The following DRG2 variants were observed in gnomAD, a reference collection of about 807,000 sequenced individuals.
DRG2 encodes the protein developmentally-regulated GTP-binding protein 2.
In DRG2, 36 loss-of-function variants were observed where a neutral mutation model predicts 53.4. That is an observed-to-expected ratio of 0.67 (90% confidence interval 0.52 to 0.89). DRG2 has a LOEUF of 0.89. Ranked by LOEUF, DRG2 falls within the 40% of genes least tolerant of loss-of-function variation. The probability of loss-of-function intolerance (pLI) is 0.00; values close to 1 mark genes in which losing one functional copy is unlikely to be tolerated. For synonymous variants in DRG2, 167 were observed against 192.1 expected, an observed-to-expected ratio of 0.87 and a Z score of 1.08; for missense variants, 342 against 481.2, an observed-to-expected ratio of 0.71 and a Z score of 2.71.
intron 1 of DRG2, among the ~76,000 whole-genome samples, chr17:18,091,398 C>T (rs777358731): frequency 9.9e-5 from 15 of 151,996 alleles, no homozygotes; most frequent in South Asian, 2.1e-4. Flanking sequence ...CCAACCTGGG[C>T]GACACGGTGA....
intron 2 of DRG2, chr17:18,097,198 T>C (rs1057139077): frequency 6.6e-6 from 1 of 152,226 alleles, no homozygotes; most frequent in Non-Finnish European, 1.5e-5. Context: ...ACCGTGTCTA[T>C]CCCTATACCT....
chr17:18,101,821 T>C, intron 8 of DRG2, 100 bp from the exon 9 acceptor site: 1 of 1,370,010 alleles, frequency 7.3e-7, no homozygotes, highest in Non-Finnish European at 1.0e-6. Flanking sequence ...TAGACTCAGC[T>C]CTCCAAGGAA....
chr17:18,100,401 G>T lies in DRG2; in HGVS notation c.506G>T (p.Arg169Leu), dbSNP rs373775006. Residue 169 changes from arginine to leucine, a missense_variant, in exon 6 of 13, where the codon CGC becomes CTC. Coordinates refer to ENST00000225729, the MANE Select transcript of DRG2 (RefSeq NM_001388.5). This position sits in a 1 kb window ranked among gnomAD's most constrained non-coding sequence, Gnocchi z 4.1. Reference protein sequence around the residue: ...LEKELESVGIRLNKHKPNIYF... With the variant: ...LEKELESVGILLNKHKPNIYF... Reference sequence around the variant, plus strand: ...AAGGAGCTGGAGTCTGTGGGCATCCGCCTCAACAAGCACAAGCCTAACATC... The same window carrying T: ...AAGGAGCTGGAGTCTGTGGGCATCCTCCTCAACAAGCACAAGCCTAACATC... 3 of 1,614,180 alleles carry T rather than the reference G, an allele frequency of 1.9e-6. No individual in the cohort carries two copies. Among genetic ancestry groups the T allele is most frequent in the Non-Finnish European group, 2.5e-6 (3 of 1,180,032 alleles).
chr17:18,103,689 C>G lies in DRG2; in HGVS notation c.807-112C>G, dbSNP rs2045577628. The G allele has an allele frequency of 2.1e-6, 2 of 951,796 alleles. No homozygotes were observed. Among genetic ancestry groups the G allele is most frequent in the Non-Finnish European group, 3.3e-6 (2 of 598,958 alleles). 59.0% of individuals were successfully genotyped at this position (951,796 alleles called of 1,614,324 possible). A position where few individuals can be genotyped will look rare whatever the true frequency, so the allele number is the denominator to read the frequency against. On this transcript the variant is annotated intron_variant, in intron 9 of 12. Coordinates refer to ENST00000225729, the MANE Select transcript of DRG2 (RefSeq NM_001388.5). The surrounding 1 kb of genome is among the most constrained non-coding windows in gnomAD (Gnocchi z 4.4). ...TAATGGGCTTGTTTCCCTGTGGGTACCAGCGGGCCACCTGGCCAGTGGAGG... is the reference window on the plus strand; with the variant it reads ...TAATGGGCTTGTTTCCCTGTGGGTAGCAGCGGGCCACCTGGCCAGTGGAGG...
chr17:18,094,003 A>G (rs1176833353), intron 2 of DRG2, 30 bp downstream of exon 2: 2 of 1,595,300 alleles, frequency 1.3e-6, no homozygotes, highest in Non-Finnish European at 1.7e-6. Flanking sequence ...GGCCTCGGGG[A>G]GGAAAGCAAG....
intron 2 of DRG2, chr17:18,095,397 T>G (rs1014866984): frequency 7.0e-6 from 1 of 143,188 alleles, no homozygotes; most frequent in African/African-American, 2.8e-5. Context: ...CTTTTTTTTT[T>G]TTTTTTTTTT....
chr17:18,101,010 G>A (rs2045523598), intron 7 of DRG2, among the ~76,000 whole-genome samples: 1 of 152,190 alleles, frequency 6.6e-6, no homozygotes, highest in African/African-American at 2.4e-5. Flanking sequence ...AGTGTCGGGG[G>A]CTGGTTGTGT....
rs1253872958 is a variant in DRG2, at chr17:18,088,030, A to C, written c.7A>C (p.Ile3Leu). The change falls in exon 1 of 13, where the codon ATC (isoleucine) becomes CTC (leucine). Residue 3 changes from isoleucine (I) to leucine (L), a missense_variant. Transcript: ENST00000225729. ...GCCCACCTCTGCTGCTACCATGGGGATCTTAGAGAAGATCTCGGAGATCGA... is the reference window on the plus strand; with the variant it reads ...GCCCACCTCTGCTGCTACCATGGGGCTCTTAGAGAAGATCTCGGAGATCGA... MGILEKISEIEKE... is the reference protein window; with the variant it reads MGLLEKISEIEKE... The C allele has an allele frequency of 1.3e-6, 2 of 1,549,478 alleles. No individual in the cohort carries two copies. The highest frequency in any genetic ancestry group is 3.9e-5 in the Admixed American group (2 of 50,708).
Position 18,107,226 on chromosome 17 carries a change from A to G in DRG2, c.1081A>G (p.Ile361Val). ...HTMEHEDVIQ[I>V]VKK ...CATGGAGCATGAGGACGTCATCCAG[A>G]TCGTGAAGAAGTAACGGCGCCTGCC... Residue 361 changes from isoleucine (I) to valine (V), a missense_variant, in exon 13 of 13, where the codon ATC (isoleucine) becomes GTC (valine). Transcript: ENST00000225729. 2 of 1,613,130 alleles carry G rather than the reference A, an allele frequency of 1.2e-6. No homozygotes were observed. The highest frequency in any genetic ancestry group is 8.5e-7 in the Non-Finnish European group (1 of 1,180,002).
rs762479194 is a variant in DRG2, at chr17:18,093,888, C to T, written c.140C>T (p.Ser47Leu). 7.4e-6 allele frequency: 12 copies of T among 1,614,050 alleles called. No individual in the cohort carries two copies. The highest frequency in any genetic ancestry group is 1.3e-5 in the African/African-American group (1 of 74,926). Residue 47 changes from serine to leucine, a missense_variant, in exon 2 of 13, where the codon TCG (serine) becomes TTG (leucine). By Grantham distance (145) the Ser-to-Leu change is moderately radical (BLOSUM62 -2). Coordinates refer to ENST00000225729, the MANE Select transcript of DRG2 (RefSeq NM_001388.5). ...GCCCAGCTCCTGGAACCGTCCAAATCGGCCTCGTCCAAAGGAGAGGGCTTT... is the reference window on the plus strand; with the variant it reads ...GCCCAGCTCCTGGAACCGTCCAAATTGGCCTCGTCCAAAGGAGAGGGCTTT... ...YRAQLLEPSK[S>L]ASSKGEGFDV...
intron 1 of DRG2, among the ~76,000 whole-genome samples, chr17:18,090,406 A>ATATATATTT (rs1555532983): frequency 3.1e-4 from 7 of 22,682 alleles, no homozygotes; most frequent in East Asian, 1.2e-3. Flanking sequence ...ATATATATAT[A>ATATATATTT]TTTTTTTTTT....
chr17:18,094,504 CCAGA>C (rs1407555223), intron 2 of DRG2, among the ~76,000 whole-genome samples: 1 of 152,070 alleles, frequency 6.6e-6, no homozygotes, highest in Non-Finnish European at 1.5e-5. Flanking sequence ...TGAGAACCTT[CCAGA>C]CAGAGGGAAC....
Position 18,099,358 on chromosome 17 carries a change from C to T in DRG2, c.377-275C>T. 2 of 610,676 alleles carry T rather than the reference C, an allele frequency of 3.3e-6. No homozygotes were observed. The highest frequency in any genetic ancestry group is 5.8e-6 in the Non-Finnish European group (2 of 346,560). The allele number at this position is 610,676 out of a possible 1,614,324, so 37.8% of individuals were successfully genotyped here. On this transcript the variant is annotated intron_variant, in intron 4 of 12. Coordinates refer to ENST00000225729, the MANE Select transcript of DRG2 (RefSeq NM_001388.5). The surrounding 1 kb of genome is among the most constrained non-coding windows in gnomAD (Gnocchi z 4.4). ...TTTGAGGATTAAGTGAGGAAATGTT[C>T]AGGAAGCATTTAGCCTGGGCCCTGC...
intron 1 of DRG2, among the ~76,000 whole-genome samples, chr17:18,091,362 G>C (rs758057939): frequency 2.0e-5 from 3 of 152,258 alleles, no homozygotes; most frequent in Non-Finnish European, 4.4e-5. Flanking sequence ...GAGGTGGGTG[G>C]ATCACTTGAG....
At position 18,103,825 on chromosome 17, in the gene DRG2, C is replaced by G; in HGVS notation, c.831C>G (p.Asp277Glu). The G allele has an allele frequency of 6.2e-7, 1 of 1,614,196 alleles. No individual in the cohort carries two copies. Among genetic ancestry groups the G allele is most frequent in the Non-Finnish European group, 8.5e-7 (1 of 1,180,048 alleles). The change falls in exon 10 of 13, where the codon GAC becomes GAG. Residue 277 changes from aspartate (D) to glutamate (E), a missense_variant. Asp to Glu is a conservative substitution (Grantham distance 45, BLOSUM62 2). Coordinates refer to ENST00000225729, the MANE Select transcript of DRG2 (RefSeq NM_001388.5). This position sits in a 1 kb window ranked among gnomAD's most constrained non-coding sequence, Gnocchi z 4.4. ...GCTGCGGCATGAAGCTGAACCTGGACTATCTGCTGGAGATGCTTTGGGAGT... is the reference window on the plus strand; with the variant it reads ...GCTGCGGCATGAAGCTGAACCTGGAGTATCTGCTGGAGATGCTTTGGGAGT... ...VISCGMKLNL[D>E]YLLEMLWEYL...
chr17:18,105,423 C>G (rs1332310982), intron 11 of DRG2: 2 of 152,386 alleles, frequency 1.3e-5, no homozygotes, highest in African/African-American at 4.8e-5. Context: ...GTGGCAGGGC[C>G]TGTAATCTGG....
chr17:18,088,148 T>C (rs2045248498), intron 1 of DRG2, 61 bp downstream of exon 1: 1 of 1,511,070 alleles, frequency 6.6e-7, no homozygotes, highest in East Asian at 2.6e-5. Context: ...GTCTGTAAAA[T>C]GGGGGAACAA....
At position 18,106,457 on chromosome 17, in the gene DRG2, G is replaced by A. The variant is rs374043604; in HGVS notation, c.979G>A (p.Ala327Thr). The change falls in exon 12 of 13, where the codon GCC (alanine) becomes ACC (threonine). Residue 327 changes from alanine to threonine, a missense_variant. Physicochemically the swap from Ala to Thr is moderately conservative, Grantham distance 58 (BLOSUM62 0). Coordinates refer to ENST00000225729, the MANE Select transcript of DRG2 (RefSeq NM_001388.5). ...HVCHRIHRSL[A>T]SQFKYALVWG... Reference sequence around the variant, plus strand: ...GTGCCACCGCATCCACCGGTCACTCGCCAGCCAGTTCAAGTACGCCCTGGT... The same window carrying A: ...GTGCCACCGCATCCACCGGTCACTCACCAGCCAGTTCAAGTACGCCCTGGT... 13 of 1,613,892 alleles carry A rather than the reference G, an allele frequency of 8.1e-6. No individual in the cohort carries two copies. The South Asian group carries it at 9.9e-5, about 12-fold the overall frequency.
Position 18,107,203 on chromosome 17 carries a change from T to G in DRG2, c.1058T>G (p.Met353Arg). The change falls in exon 13 of 13, where the codon ATG becomes AGG. Residue 353 changes from methionine to arginine, a missense_variant. Met to Arg is a moderately conservative substitution (Grantham distance 91). Coordinates refer to ENST00000225729, the MANE Select transcript of DRG2 (RefSeq NM_001388.5). ...SPQRVGLTHT[M>R]EHEDVIQIVK... is the part of the protein sequence containing the mutation. Reference sequence around the variant, plus strand: ...CAGCGGGTGGGCCTGACCCACACCATGGAGCATGAGGACGTCATCCAGATC... The same window carrying G: ...CAGCGGGTGGGCCTGACCCACACCAGGGAGCATGAGGACGTCATCCAGATC... 6.2e-7 allele frequency: 1 copy of G among 1,613,426 alleles called. No homozygotes were observed. The highest frequency in any genetic ancestry group is 8.5e-7 in the Non-Finnish European group (1 of 1,180,004).
Sources: gnomAD v4.1 joint callset for allele counts (sites outside exome capture counted in the v4.1 genomes callset) on GRCh38, gnomAD v4.1.1 for gene constraint, Gnocchi (gnomAD v3.1) non-coding constraint, MANE v1.5 for transcripts, NCBI Gene and HGNC (gene_info 2026-07-23, HGNC 2026-07-21) for gene names.